The following RBFOX3 variants were observed in gnomAD, a reference collection of about 807,000 sequenced individuals.
The protein encoded by RBFOX3 is RNA binding fox-1 homolog 3.
RBFOX3 carries 17 observed loss-of-function variants against 48.7 expected under a neutral mutation model. That is an observed-to-expected ratio of 0.35 (90% CI 0.24 to 0.52). The LOEUF (loss-of-function observed/expected upper bound fraction) is 0.52. Ranked by LOEUF, RBFOX3 falls within the 20% of genes least tolerant of loss-of-function variation. RBFOX3 has a pLI of 0.94. For synonymous variants in RBFOX3, 212 were observed against 209.5 expected (o/e 1.01, Z -0.10); for missense variants, 382 against 497.5 (o/e 0.77, Z 2.21).
chr17:79,638,705 G>A, the RBFOX3 span, among the ~76,000 whole-genome samples: 1 of 152,176 alleles, frequency 6.6e-6, no homozygotes, highest in Non-Finnish European at 1.5e-5. Flanking sequence ...GAAGAGGGGT[G>A]AGCAAGTTCT....
At chr17:79,562,907 G>C (rs2092302595) in intron 1 of RBFOX3, among the ~76,000 whole-genome samples, 1 of 152,302 alleles carries the variant, frequency 6.6e-6, no homozygotes, top group South Asian at 2.1e-4. Context: ...AGCTGTGCTG[G>C]GATTTTTTCC....
intron 1 of RBFOX3, among the ~76,000 whole-genome samples, chr17:79,483,275 C>A (rs2079026956): frequency 6.6e-6 from 1 of 151,846 alleles, no homozygotes; most frequent in Non-Finnish European, 1.5e-5. Context: ...CTTTGGGGCT[C>A]TCGGCAGTCT....
chr17:79,435,340 G>A (rs1207271814), intron 2 of RBFOX3, among the ~76,000 whole-genome samples: 8 of 152,178 alleles, frequency 5.3e-5, no homozygotes, highest in African/African-American at 1.9e-4. Flanking sequence ...ATGCTTTAAA[G>A]GGGGGAGAAG....
intron 2 of RBFOX3, among the ~76,000 whole-genome samples, chr17:79,353,553 G>A (rs774326510): frequency 1.5e-4 from 23 of 152,282 alleles, no homozygotes; most frequent in Admixed American, 6.5e-4. Context: ...AATACTGCCC[G>A]GAGAAATACC....
At chr17:79,494,989 G>A (rs1359624724) in intron 1 of RBFOX3, among the ~76,000 whole-genome samples, 1 of 152,146 alleles carries the variant, frequency 6.6e-6, no homozygotes, top group Non-Finnish European at 1.5e-5. Flanking sequence ...CCCATCTTTG[G>A]GGGTGGCTGT....
At chr17:79,511,370 G>A (rs1453739357) in intron 1 of RBFOX3, among the ~76,000 whole-genome samples, 1 of 152,182 alleles carries the variant, frequency 6.6e-6, no homozygotes. Context: ...ATGTGTCGGG[G>A]CTGGGGACAC....
the RBFOX3 span, among the ~76,000 whole-genome samples, chr17:79,634,489 T>C: frequency 6.6e-6 from 1 of 152,174 alleles, no homozygotes; most frequent in Non-Finnish European, 1.5e-5. Flanking sequence ...AAAGCCTCCT[T>C]GGACATCAGA....
chr17:79,141,635 C>T (rs1020768710), intron 4 of RBFOX3, among the ~76,000 whole-genome samples: 4 of 152,102 alleles, frequency 2.6e-5, no homozygotes, highest in East Asian at 1.9e-4. Flanking sequence ...GTGCCTGGGT[C>T]GGGCAGGCTA....
chr17:79,402,930 A>G (rs1366033020), intron 2 of RBFOX3, among the ~76,000 whole-genome samples: 3 of 152,112 alleles, frequency 2.0e-5, no homozygotes, highest in African/African-American at 7.2e-5. Flanking sequence ...CAGGAGCCTG[A>G]CCCACAGGAC....
In RBFOX3 at chr17:79,105,952, C is replaced by T. The variant is rs187654977; in HGVS notation, c.360+699G>A. On this transcript the variant is annotated intron_variant, in intron 6 of 14. Coordinates refer to ENST00000693108, the MANE Select transcript of RBFOX3 (RefSeq NM_001350451.2). Reference sequence around the variant, plus strand: ...CCTGCAGGCATCAACACCTGCCTGGCGCATTCAAGTCCAATAACAACAAAG... The same window carrying T: ...CCTGCAGGCATCAACACCTGCCTGGTGCATTCAAGTCCAATAACAACAAAG... 3.6e-4 allele frequency among the ~76,000 whole-genome samples: 55 copies of T among 152,286 alleles called. No individual in the cohort carries two copies. In the Middle Eastern group the frequency reaches 0.017, roughly 47 times the overall value.
At chr17:79,579,708 G>A (rs2092984358) in intron 1 of RBFOX3, among the ~76,000 whole-genome samples, 7 of 145,216 alleles carry the variant, frequency 4.8e-5, no homozygotes, top group African/African-American at 1.0e-4. Flanking sequence ...AGTCACTGGC[G>A]CCATGGTGGG....
At chr17:79,373,035 T>C (rs935966540) in intron 2 of RBFOX3, among the ~76,000 whole-genome samples, 1 of 152,144 alleles carries the variant, frequency 6.6e-6, no homozygotes, top group African/African-American at 2.4e-5. Context: ...TTTATCTCAC[T>C]CCTCGGAAGA....
chr17:79,330,694 T>C (rs1373641408), intron 2 of RBFOX3, among the ~76,000 whole-genome samples: 2 of 152,086 alleles, frequency 1.3e-5, no homozygotes, highest in Non-Finnish European at 2.9e-5. Flanking sequence ...CCATGTGGGC[T>C]TGGGGATCAT....
chr17:79,555,997 C>T (rs1237300605), intron 1 of RBFOX3, among the ~76,000 whole-genome samples: 2 of 152,078 alleles, frequency 1.3e-5, no homozygotes, highest in African/African-American at 4.8e-5. Flanking sequence ...TGAAGACAGG[C>T]CCCATTGGAA....
At chr17:79,484,510 CCTGGGTGCAGGGGGCCTGGGTGCAGGGG>C (rs2079246145) in intron 1 of RBFOX3, among the ~76,000 whole-genome samples, 1 of 55,560 alleles carries the variant, frequency 1.8e-5, no homozygotes, top group Non-Finnish European at 4.4e-5. Context: ...GTGCAGGGGG[CCTGGGTGCAGGGGGCCTGGGTGCAGGGG>C]CCTGGGTGCA....
chr17:79,360,651 T>C (rs1598385287), intron 2 of RBFOX3, among the ~76,000 whole-genome samples: 1 of 152,004 alleles, frequency 6.6e-6, no homozygotes, highest in East Asian at 1.9e-4. Context: ...TAAAAAAAAC[T>C]AGCCAGGAAG....
At position 79,198,266 on chromosome 17, in the gene RBFOX3, C is replaced by T. The variant is rs761426089; in HGVS notation, c.-34+37500G>A. Reference sequence around the variant, plus strand: ...CCGCCTCTGGCCAGCCCTCTGCCCTCGCCCCTGCCCTGCACCTCTCCATCC... The same window carrying T: ...CCGCCTCTGGCCAGCCCTCTGCCCTTGCCCCTGCCCTGCACCTCTCCATCC... On this transcript the variant is annotated intron_variant, in intron 4 of 14. Transcript: ENST00000693108. This position sits in a 1 kb window ranked among gnomAD's most constrained non-coding sequence, Gnocchi z 8.2. Among the ~76,000 whole-genome samples, 15 of 152,298 alleles carry T rather than the reference C, an allele frequency of 9.8e-5. No homozygotes were observed. Among genetic ancestry groups the T allele is most frequent in the East Asian group, 1.9e-4 (1 of 5,180 alleles).
chr17:79,556,282 A>C (rs1044593245), intron 1 of RBFOX3, among the ~76,000 whole-genome samples: 15,962 of 152,256 alleles, frequency 0.1, 1,315 homozygotes, highest in African/African-American at 0.22. Context: ...GCACTGGCTT[A>C]GGTCCTGGGA....
chr17:79,368,032 G>A (rs903712542), intron 2 of RBFOX3, among the ~76,000 whole-genome samples: 10 of 152,346 alleles, frequency 6.6e-5, no homozygotes, highest in Admixed American at 5.2e-4. Flanking sequence ...CTCAGCACAT[G>A]GCAAGGTTAG....
Sources: allele counts gnomAD v4.1 joint callset (sites outside exome capture counted in the v4.1 genomes callset), GRCh38; gene constraint gnomAD v4.1.1; non-coding constraint Gnocchi (gnomAD v3.1); transcripts MANE v1.5; gene names NCBI Gene and HGNC (gene_info 2026-07-23, HGNC 2026-07-21).